Variants in TNRC6C observed in about 807,000 individuals in gnomAD.
TNRC6C encodes the protein trinucleotide repeat-containing gene 6C protein.
A neutral mutation model predicts 153.7 loss-of-function variants in TNRC6C; 20 were observed. The ratio of observed to expected loss-of-function variants is 0.13; its 90% CI spans 0.09 to 0.19. The LOEUF (loss-of-function observed/expected upper bound fraction) is 0.19, where lower values mean the gene tolerates loss of function less well. Ranked by LOEUF, TNRC6C falls within the 10% of genes least tolerant of loss-of-function variation. TNRC6C has a pLI of 1.00. For missense variants in TNRC6C, 1,987 were observed against 2,172.0 expected (o/e 0.91, Z 1.69); for synonymous variants, 811 against 841.4 (o/e 0.96, Z 0.63).
chr17:78,096,923 A>G (rs1055262332), intron 16 of TNRC6C, among the ~76,000 whole-genome samples: 5 of 152,224 alleles, frequency 3.3e-5, no homozygotes, highest in African/African-American at 1.2e-4. Flanking sequence ...AGGATGGCCC[A>G]TTTATCCTAA....
rs192225070 is a variant in TNRC6C, at chr17:78,045,469, C to T, written c.-218-3376C>T. ...TAGTTGAGATCTACACCTCAAAGCCCGGGAAGGTCTGAGTAGGCGGCGTCA... is the reference window on the plus strand; with the variant it reads ...TAGTTGAGATCTACACCTCAAAGCCTGGGAAGGTCTGAGTAGGCGGCGTCA... On this transcript the variant is annotated intron_variant, in intron 2 of 19. Transcript: ENST00000301624. Among the ~76,000 whole-genome samples the T allele has an allele frequency of 3.0e-4, 45 of 152,174 alleles. No homozygotes were observed. The South Asian group carries it at 3.9e-3, about 13-fold the overall frequency.
At chr17:77,989,060 C>G (rs1398509552) in intron 1 of TNRC6C, among the ~76,000 whole-genome samples, 1 of 152,176 alleles carries the variant, frequency 6.6e-6, no homozygotes, top group African/African-American at 2.4e-5. Context: ...CTCAGAGCAT[C>G]TGAATTTCTT....
chr17:78,075,714 G>C lies in TNRC6C; in HGVS notation c.3060+436G>C, dbSNP rs1302509090. 1.3e-5 allele frequency among the ~76,000 whole-genome samples: 2 copies of C among 152,212 alleles called. No homozygotes were observed. Among genetic ancestry groups the C allele is most frequent in the East Asian group, 3.8e-4 (2 of 5,200 alleles). The stretch of plus-strand genomic sequence containing the variant: ...TGGCCCTTGTCAGTTGGCCACATGA[G>C]TGACCACAGCTGGCATCTGTGGAAA... On this transcript the variant is annotated intron_variant, in intron 8 of 19. Coordinates refer to ENST00000301624, the Ensembl canonical transcript of TNRC6C. This position sits in a 1 kb window ranked among gnomAD's most constrained non-coding sequence, Gnocchi z 4.2.
chr17:77,996,993 T>A (rs919638285), intron 1 of TNRC6C, among the ~76,000 whole-genome samples: 33 of 152,168 alleles, frequency 2.2e-4, no homozygotes, highest in African/African-American at 7.7e-4. Flanking sequence ...GAAGCATTAC[T>A]TGTTCTGTGA....
chr17:78,104,705 G>A lies in TNRC6C; in HGVS notation c.4933G>A (p.Glu1645Lys). 6.5e-7 allele frequency: 1 copy of A among 1,539,338 alleles called. No individual in the cohort carries two copies. Among genetic ancestry groups the A allele is most frequent in the Non-Finnish European group, 8.7e-7 (1 of 1,145,562 alleles). ...GTGCCTGGGTGGCAAGGGGAGCAGT[G>A]AGCTGCTGTGGGGCGGGGTGCCCCA... The change falls in exon 20 of 20, where the codon GAG (glutamate) becomes AAG (lysine). Residue 1645 changes from glutamate (E) to lysine (K), a missense_variant. This residue lies in a region of TNRC6C where 139 missense variants were observed against 148.5 expected (regional missense o/e 0.94). Coordinates refer to ENST00000301624, the Ensembl canonical transcript of TNRC6C. This position sits in a 1 kb window ranked among gnomAD's most constrained non-coding sequence, Gnocchi z 6.2.
At chr17:78,068,452 A>G (rs2072925558) in intron 5 of TNRC6C, among the ~76,000 whole-genome samples, 1 of 152,218 alleles carries the variant, frequency 6.6e-6, no homozygotes, top group Non-Finnish European at 1.5e-5. Context: ...AGAGTATTAT[A>G]GGGTCCTGAG....
chr17:77,967,634 G>A (rs1598636797), intron 1 of TNRC6C, among the ~76,000 whole-genome samples: 2 of 152,234 alleles, frequency 1.3e-5, no homozygotes, highest in East Asian at 3.9e-4. Flanking sequence ...AGGCCTCTGG[G>A]CACTGCCAAT....
chr17:77,972,511 T>TAA (rs747461343), intron 1 of TNRC6C, among the ~76,000 whole-genome samples: 1 of 131,488 alleles, frequency 7.6e-6, no homozygotes, highest in African/African-American at 2.8e-5. Flanking sequence ...GACTCTGTCT[T>TAA]AAAAAAAAAA....
chr17:78,002,563 A>C (rs2071429092), upstream of TNRC6C, among the ~76,000 whole-genome samples: 1 of 152,180 alleles, frequency 6.6e-6, no homozygotes, highest in African/African-American at 2.4e-5. Context: ...ATGTATTCTT[A>C]TCTTGCTTCC....
At chr17:78,048,313 G>A (rs997157865) in intron 2 of TNRC6C, among the ~76,000 whole-genome samples, 3 of 151,790 alleles carry the variant, frequency 2.0e-5, no homozygotes, top group Non-Finnish European at 4.4e-5. Flanking sequence ...CTTTCCTTCC[G>A]TCACCACTTC....
chr17:77,972,166 TA>T (rs1261427278), intron 1 of TNRC6C, among the ~76,000 whole-genome samples: 1 of 151,938 alleles, frequency 6.6e-6, no homozygotes, highest in African/African-American at 2.4e-5. Context: ...GACAAACCCA[TA>T]GCTAGACTGA....
chr17:77,980,841 T>G (rs1417503468), intron 1 of TNRC6C, among the ~76,000 whole-genome samples: 1 of 152,146 alleles, frequency 6.6e-6, no homozygotes, highest in African/African-American at 2.4e-5. Context: ...GATGAAGAAA[T>G]GCCTAGAACA....
At chr17:78,055,980 T>G (rs1428764741) in intron 3 of TNRC6C, among the ~76,000 whole-genome samples, 1 of 152,168 alleles carries the variant, frequency 6.6e-6, no homozygotes, top group Non-Finnish European at 1.5e-5. Context: ...CACATTGCAT[T>G]TGTTGGGGGA....
chr17:78,042,049 T>C (rs2072306780), intron 2 of TNRC6C, among the ~76,000 whole-genome samples: 1 of 152,226 alleles, frequency 6.6e-6, no homozygotes, highest in Admixed American at 6.5e-5. Context: ...AATTTTATCT[T>C]TATATGCTAA....
At chr17:77,998,131 C>CA (rs1184541312) in intron 1 of TNRC6C, among the ~76,000 whole-genome samples, 1 of 152,100 alleles carries the variant, frequency 6.6e-6, no homozygotes, top group Non-Finnish European at 1.5e-5. Context: ...TGTCGCCCAA[C>CA]AAAACAACTC....
chr17:78,069,759 GTTAAA>G (rs2072955211), intron 5 of TNRC6C, among the ~76,000 whole-genome samples: 1 of 152,156 alleles, frequency 6.6e-6, no homozygotes, highest in African/African-American at 2.4e-5. Context: ...AAAGTACATT[GTTAAA>G]TTAAAAGCAA....
chr17:78,046,692 C>G (rs1464690970), intron 2 of TNRC6C, among the ~76,000 whole-genome samples: 1 of 152,160 alleles, frequency 6.6e-6, no homozygotes, highest in African/African-American at 2.4e-5. Context: ...TCCTTTGCTT[C>G]CTTAATAAGC....
intron 1 of TNRC6C, among the ~76,000 whole-genome samples, chr17:77,975,424 G>A (rs2070985026): frequency 6.6e-6 from 1 of 152,156 alleles, no homozygotes; most frequent in African/African-American, 2.4e-5. Context: ...GCAGTGTGCT[G>A]GAGGGAGAAA....
chr17:78,014,576 G>A (rs995336286), intron 1 of TNRC6C, among the ~76,000 whole-genome samples: 13 of 150,762 alleles, frequency 8.6e-5, no homozygotes, highest in Admixed American at 8.6e-4. Context: ...GATTCTTACT[G>A]TTTGTAGTCA....
Sources: allele counts gnomAD v4.1 joint callset (sites outside exome capture counted in the v4.1 genomes callset), GRCh38; gene constraint gnomAD v4.1.1; regional missense constraint gnomAD v4.1.1; non-coding constraint Gnocchi (gnomAD v3.1); transcripts MANE v1.5; gene names NCBI Gene and HGNC (gene_info 2026-07-23, HGNC 2026-07-21).